The following ERBB4 variants were observed in gnomAD, a reference collection of about 807,000 sequenced individuals.
ERBB4 encodes the protein erb-b2 receptor tyrosine kinase 4, also known as receptor tyrosine-protein kinase erbB-4.
In ERBB4, 42 loss-of-function variants were observed where a neutral mutation model predicts 158.0. The observed-to-expected ratio is 0.27, with a 90% CI of 0.21 to 0.34. The LOEUF is 0.34. ERBB4 is among the 10% of genes least tolerant of loss of function. ERBB4 has a pLI of 1.00. For missense variants in ERBB4, 1,333 were observed against 1,624.1 expected, an observed-to-expected ratio of 0.82 and a Z score of 3.08; for synonymous variants, 583 against 558.7, an observed-to-expected ratio of 1.04 and a Z score of -0.61.
intron 1 of ERBB4, among the ~76,000 whole-genome samples, chr2:212,167,327 CA>C (rs2081377218): frequency 6.6e-6 from 1 of 152,008 alleles, no homozygotes; most frequent in South Asian, 2.1e-4. Flanking sequence ...GGCCAACAAA[CA>C]TATGAAAAAA....
At chr2:212,288,278 C>T (rs960488060) in intron 1 of ERBB4, among the ~76,000 whole-genome samples, 4 of 151,952 alleles carry the variant, frequency 2.6e-5, no homozygotes, top group African/African-American at 4.8e-5. Flanking sequence ...GCTAATACCG[C>T]GAGGCACACG....
chr2:211,422,788 T>A (rs2063541898), intron 23 of ERBB4, among the ~76,000 whole-genome samples: 1 of 151,900 alleles, frequency 6.6e-6, no homozygotes, highest in Admixed American at 6.6e-5. Flanking sequence ...GGGAAAGTGT[T>A]TTCTTGGTTT....
chr2:212,397,731 A>G (rs1455538960), intron 1 of ERBB4, among the ~76,000 whole-genome samples: 1 of 152,036 alleles, frequency 6.6e-6, no homozygotes, highest in Non-Finnish European at 1.5e-5. Flanking sequence ...TCACATTTTC[A>G]ATTGTTTGTT....
intron 1 of ERBB4, among the ~76,000 whole-genome samples, chr2:212,183,034 T>G (rs2081919893): frequency 6.6e-6 from 1 of 151,904 alleles, no homozygotes; most frequent in Admixed American, 6.6e-5. Flanking sequence ...GTGAAAAAGG[T>G]TATGAGTTTC....
In ERBB4 at chr2:212,108,798, G is replaced by A. The variant is rs948417676; in HGVS notation, c.234+15954C>T. Among the ~76,000 whole-genome samples, 4 of 144,658 alleles carry A rather than the reference G, an allele frequency of 2.8e-5. 1 individual carries two copies. The highest frequency in any genetic ancestry group is 8.1e-3 in the Middle Eastern group (2 of 248). The allele number at this position is 144,658 out of a possible 152,430, so 94.9% of individuals were successfully genotyped here. A position where few individuals can be genotyped will look rare whatever the true frequency, so the allele number is the denominator to read the frequency against. On this transcript the variant is annotated intron_variant, in intron 2 of 27. Transcript: ENST00000342788. ...AGTAGCGTCACATTTTAAGAAGACA[G>A]AAGAGTCACAAAGAATAAAAAGACT...
rs542819816 is a variant in ERBB4, at chr2:211,829,088, CTTAA to C, written c.422-40933_422-40930del. On this transcript the variant is annotated intron_variant, in intron 3 of 27. Transcript: ENST00000342788. ...TGGTTTCCTTTACTTTCATTAGTTA[CTTAA>C]TTAGTTATTTTAAATGTGTACTAAT... Among the ~76,000 whole-genome samples, 846 of 152,200 alleles carry C rather than the reference CTTAA, an allele frequency of 5.6e-3. 8 individuals carry two copies. Among genetic ancestry groups the C allele is most frequent in the African/African-American group, 0.019 (778 of 41,540 alleles).
intron 1 of ERBB4, among the ~76,000 whole-genome samples, chr2:212,187,448 TAAAG>T (rs767945868): frequency 1.8e-3 from 265 of 150,626 alleles, no homozygotes; most frequent in African/African-American, 5.5e-3. Flanking sequence ...AATAAATAAA[TAAAG>T]ATGTTAATCT....
At chr2:211,673,126 TA>T (rs757399921) in intron 14 of ERBB4, 37 bp downstream of exon 14, 2 of 1,391,474 alleles carry the variant, frequency 1.4e-6, no homozygotes, top group East Asian at 4.6e-5. Context: ...TACATGATAC[TA>T]AATAAGCCAA....
intron 1 of ERBB4, among the ~76,000 whole-genome samples, chr2:212,171,100 T>G (rs567752864): frequency 1.2e-3 from 189 of 152,206 alleles, no homozygotes; most frequent in Middle Eastern, 3.4e-3. Flanking sequence ...GGAGAGGAGC[T>G]GCCCAATTTC....
At chr2:211,846,452 C>A in intron 3 of ERBB4, among the ~76,000 whole-genome samples, 1 of 152,120 alleles carries the variant, frequency 6.6e-6, no homozygotes, top group East Asian at 1.9e-4. Flanking sequence ...CTCTGTAAAC[C>A]ATCTGATCCC....
chr2:212,459,871 A>C (rs958656095), intron 1 of ERBB4, among the ~76,000 whole-genome samples: 4 of 152,168 alleles, frequency 2.6e-5, no homozygotes, highest in African/African-American at 9.7e-5. Context: ...TTTGCTGGAA[A>C]AACTGGATAC....
intron 17 of ERBB4, among the ~76,000 whole-genome samples, chr2:211,626,107 C>T (rs1190469819): frequency 1.3e-5 from 2 of 152,034 alleles, no homozygotes; most frequent in African/African-American, 4.8e-5. Flanking sequence ...GTAGGTGTAG[C>T]AATAATTACC....
At chr2:211,887,352 C>T (rs907159384) in intron 3 of ERBB4, among the ~76,000 whole-genome samples, 51 of 151,806 alleles carry the variant, frequency 3.4e-4, no homozygotes, top group African/African-American at 1.2e-3. Flanking sequence ...CTAAATTCTA[C>T]ATTGAATAAT....
In ERBB4 at chr2:211,395,508, A is replaced by G. The variant is rs533484194; in HGVS notation, c.3136-7516T>C. ...TTTTATGTTTTTCAGAAACAAACCTATTTATTTTTTAAATATAGCTGAAAG... is the reference window on the plus strand; with the variant it reads ...TTTTATGTTTTTCAGAAACAAACCTGTTTATTTTTTAAATATAGCTGAAAG... On this transcript the variant is annotated intron_variant, in intron 25 of 27. Coordinates refer to ENST00000342788, the MANE Select transcript of ERBB4 (RefSeq NM_005235.3). Among the ~76,000 whole-genome samples the G allele has an allele frequency of 5.3e-5, 8 of 152,168 alleles. No homozygotes were observed. The East Asian group carries it at 1.5e-3, about 29-fold the overall frequency.
At chr2:212,191,778 GTGTGTTATATGTTCTATA>G (rs2082238360) in intron 1 of ERBB4, among the ~76,000 whole-genome samples, 7 of 126,604 alleles carry the variant, frequency 5.5e-5, no homozygotes, top group Admixed American at 2.5e-4. Flanking sequence ...TATATAACAC[GTGTGTTATATGTTCTATA>G]TGTTATATAT....
chr2:211,910,548 G>A (rs1477749951), intron 3 of ERBB4, among the ~76,000 whole-genome samples: 1 of 151,674 alleles, frequency 6.6e-6, no homozygotes, highest in South Asian at 2.1e-4. Flanking sequence ...CACATAGAGA[G>A]GAATAATACA....
At chr2:212,119,492 A>T (rs2079677894) in intron 2 of ERBB4, among the ~76,000 whole-genome samples, 2 of 152,174 alleles carry the variant, frequency 1.3e-5, no homozygotes, top group African/African-American at 4.8e-5. Context: ...CTAATAGTTC[A>T]TTCCCATTAC....
chr2:211,944,181 A>ATATATATATATAGTG (rs1553517878), intron 3 of ERBB4, among the ~76,000 whole-genome samples: 4 of 43,052 alleles, frequency 9.3e-5, no homozygotes, highest in African/African-American at 2.2e-4. Flanking sequence ...TATATACTAT[A>ATATATATATATAGTG]TATATATATA....
chr2:212,010,570 A>T (rs2076362084), intron 2 of ERBB4, among the ~76,000 whole-genome samples: 1 of 152,132 alleles, frequency 6.6e-6, no homozygotes, highest in African/African-American at 2.4e-5. Context: ...TACGGGTCCA[A>T]CAAAGATCCC....
Sources: gnomAD v4.1 joint callset for allele counts (sites outside exome capture counted in the v4.1 genomes callset) on GRCh38, gnomAD v4.1.1 for gene constraint, MANE v1.5 for transcripts, NCBI Gene and HGNC (gene_info 2026-07-23, HGNC 2026-07-21) for gene names.